TTC28: variants seen among roughly 807,000 people sequenced by gnomAD.
The protein encoded by TTC28 is tetratricopeptide repeat protein 28.
A neutral mutation model predicts 198.0 loss-of-function variants in TTC28; 61 were observed. The observed-to-expected ratio is 0.31, with a 90% CI of 0.25 to 0.38. The LOEUF is 0.38. Among genes scored for constraint, TTC28 ranks in the 10% least tolerant of loss-of-function variants. The pLI is 1.00. For synonymous variants in TTC28, 1,171 were observed against 1,297.8 expected, an observed-to-expected ratio of 0.90 and a Z score of 2.10; for missense variants, 2,678 against 3,164.0, an observed-to-expected ratio of 0.85 and a Z score of 3.69.
chr22:28,602,356 G>A (rs1345596428), intron 2 of TTC28, among the ~76,000 whole-genome samples: 1 of 152,118 alleles, frequency 6.6e-6, no homozygotes, highest in Non-Finnish European at 1.5e-5. Context: ...GTCTATAAAG[G>A]AAGTGACTGG....
rs183409672 is a variant in TTC28, at chr22:28,120,554, G to A, written c.1442-12151C>T. On this transcript the variant is annotated intron_variant, in intron 6 of 22. Coordinates refer to ENST00000397906, the MANE Select transcript of TTC28 (RefSeq NM_001145418.2). Reference sequence around the variant, plus strand: ...TCTCTGAGAGTCTGAGACAGTAACTGCTACAGAATTCAACTGTGCAACCCA... The same window carrying A: ...TCTCTGAGAGTCTGAGACAGTAACTACTACAGAATTCAACTGTGCAACCCA... 5.2e-4 allele frequency among the ~76,000 whole-genome samples: 79 copies of A among 152,222 alleles called. 1 individual carries two copies. The highest frequency in any genetic ancestry group is 2.7e-3 in the East Asian group (14 of 5,170).
intron 2 of TTC28, among the ~76,000 whole-genome samples, chr22:28,366,721 T>C (rs746008328): frequency 2.6e-5 from 4 of 151,866 alleles, no homozygotes; most frequent in Admixed American, 2.0e-4. Context: ...AAGATACACA[T>C]AGACTGAAAA....
chr22:28,376,107 C>G (rs2146007525), intron 2 of TTC28, among the ~76,000 whole-genome samples: 1 of 152,318 alleles, frequency 6.6e-6, no homozygotes, highest in Non-Finnish European at 1.5e-5. Flanking sequence ...GCCAATTCCC[C>G]TAACAAATCC....
intron 10 of TTC28, 122 bp downstream of exon 10, chr22:28,098,793 C>T (rs1601617139): frequency 7.9e-7 from 1 of 1,263,984 alleles, no homozygotes; most frequent in East Asian, 2.6e-5. Context: ...TGTGGCTTCA[C>T]AGTCTGTTGT....
chr22:28,381,105 T>C (rs1353320437), intron 2 of TTC28, among the ~76,000 whole-genome samples: 8 of 147,942 alleles, frequency 5.4e-5, no homozygotes, highest in Non-Finnish European at 1.2e-4. Context: ...AACAAGCCAC[T>C]GAGGTTTCTC....
At chr22:28,379,328 C>T (rs1275947184) in intron 2 of TTC28, among the ~76,000 whole-genome samples, 1 of 152,156 alleles carries the variant, frequency 6.6e-6, no homozygotes, top group Non-Finnish European at 1.5e-5. Context: ...TTTGAATACC[C>T]ATGTTCAAAG....
chr22:28,122,202 C>A (rs1942805981), intron 6 of TTC28, among the ~76,000 whole-genome samples: 2 of 152,090 alleles, frequency 1.3e-5, no homozygotes, highest in Non-Finnish European at 2.9e-5. Flanking sequence ...AAGCAGCTCC[C>A]TTTTACTTAT....
intron 2 of TTC28, among the ~76,000 whole-genome samples, chr22:28,349,966 AATGTACAAAACTC>A (rs913504206): frequency 7.9e-5 from 12 of 152,220 alleles, no homozygotes; most frequent in African/African-American, 2.7e-4. Context: ...ATGAGATAGT[AATGTACAAAACTC>A]ATGTACAAAA....
intron 11 of TTC28, among the ~76,000 whole-genome samples, chr22:28,094,993 A>C (rs561552847): frequency 1.3e-5 from 2 of 152,230 alleles, no homozygotes; most frequent in African/African-American, 2.4e-5. Flanking sequence ...AAGCCTCATT[A>C]TACATGGCTC....
chr22:28,343,923 A>G (rs2045870154), intron 2 of TTC28, among the ~76,000 whole-genome samples: 1 of 152,212 alleles, frequency 6.6e-6, no homozygotes, highest in Non-Finnish European at 1.5e-5. Context: ...TCTTTATTTC[A>G]ACATCAAATA....
At chr22:28,616,295 A>G (rs1325564862) in intron 2 of TTC28, among the ~76,000 whole-genome samples, 1 of 152,206 alleles carries the variant, frequency 6.6e-6, no homozygotes, top group Non-Finnish European at 1.5e-5. Flanking sequence ...TAAAGTAGTG[A>G]TAAAAATGAT....
chr22:28,225,357 AAAAAAAAAGAAAAG>A, intron 5 of TTC28, among the ~76,000 whole-genome samples: 2 of 117,604 alleles, frequency 1.7e-5, no homozygotes, highest in Middle Eastern at 7.6e-3. Context: ...ATTCTGTTAA[AAAAAAAAAGAAAAG>A]AAGAAGAAGA....
chr22:28,673,512 T>C (rs560211046), intron 1 of TTC28, among the ~76,000 whole-genome samples: 3 of 152,352 alleles, frequency 2.0e-5, no homozygotes, highest in South Asian at 4.1e-4. Flanking sequence ...CAACATACTA[T>C]GGACGTAGTT....
At chr22:28,204,637 G>C (rs1279024670) in intron 5 of TTC28, among the ~76,000 whole-genome samples, 2 of 151,946 alleles carry the variant, frequency 1.3e-5, no homozygotes, top group African/African-American at 4.8e-5. Flanking sequence ...TAATGATTAA[G>C]TAAATCAGGA....
chr22:28,185,281 T>G (rs894375968), intron 5 of TTC28, among the ~76,000 whole-genome samples: 1 of 152,120 alleles, frequency 6.6e-6, no homozygotes, highest in African/African-American at 2.4e-5. Flanking sequence ...AGATCTGCTC[T>G]TGTTCTTCTA....
chr22:28,360,897 T>A (rs1402868876), intron 2 of TTC28, among the ~76,000 whole-genome samples: 2 of 152,186 alleles, frequency 1.3e-5, no homozygotes, highest in African/African-American at 2.4e-5. Flanking sequence ...TATTATTATA[T>A]CTGTTATGGT....
intron 2 of TTC28, among the ~76,000 whole-genome samples, chr22:28,436,271 C>T (rs1271580347): frequency 1.3e-5 from 2 of 152,186 alleles, no homozygotes; most frequent in Non-Finnish European, 2.9e-5. Context: ...GATCACTGTG[C>T]ATCTCATCCC....
At chr22:28,187,171 G>T (rs1281010346) in intron 5 of TTC28, among the ~76,000 whole-genome samples, 2 of 152,132 alleles carry the variant, frequency 1.3e-5, no homozygotes, top group East Asian at 1.9e-4. Context: ...AACTATCATT[G>T]AGCAAGAGTG....
intron 5 of TTC28, among the ~76,000 whole-genome samples, chr22:28,173,024 A>G (rs552012233): frequency 6.6e-6 from 1 of 152,130 alleles, no homozygotes. Flanking sequence ...TAAGGTGTGG[A>G]TGGATGTTTT....
Sources: allele counts gnomAD v4.1 joint callset (sites outside exome capture counted in the v4.1 genomes callset), GRCh38; gene constraint gnomAD v4.1.1; transcripts MANE v1.5; gene names NCBI Gene and HGNC (gene_info 2026-07-23, HGNC 2026-07-21).